PPP2R5C: variants seen among roughly 807,000 people sequenced by gnomAD.
The protein encoded by PPP2R5C is protein phosphatase 2 regulatory subunit B'gamma.
PPP2R5C carries 7 observed loss-of-function variants against 68.9 expected under a neutral mutation model. That is an observed-to-expected ratio of 0.10 (90% CI 0.06 to 0.19). The LOEUF is 0.19. Among genes scored for constraint, PPP2R5C ranks in the 10% least tolerant of loss-of-function variants. PPP2R5C has a pLI of 1.00. For missense variants in PPP2R5C, 348 were observed against 641.3 expected (o/e 0.54, Z 4.94); for synonymous variants, 210 against 222.2 (o/e 0.95, Z 0.49).
rs746584258 is a variant in PPP2R5C, at chr14:101,877,701, C to T, written c.295-4460C>T. On this transcript the variant is annotated intron_variant, in intron 2 of 13. Coordinates refer to ENST00000334743, the Ensembl canonical transcript of PPP2R5C. This position sits in a 1 kb window ranked among gnomAD's most constrained non-coding sequence, Gnocchi z 4.2. The stretch of plus-strand genomic sequence containing the variant: ...CCAAGAAGAATTTGAGGTGATAGAC[C>T]GTTGGCCCTCTGTTCCTTCCCCCCG... 6.6e-6 allele frequency among the ~76,000 whole-genome samples: 1 copy of T among 152,242 alleles called. No homozygotes were observed. The highest frequency in any genetic ancestry group is 1.9e-4 in the East Asian group (1 of 5,186).
In PPP2R5C at chr14:101,860,970, C is replaced by T. The variant is rs907626405; in HGVS notation, c.294+4085C>T. Among the ~76,000 whole-genome samples, 4 of 152,260 alleles carry T rather than the reference C, an allele frequency of 2.6e-5. No individual in the cohort carries two copies. In the East Asian group the frequency reaches 7.7e-4, roughly 29 times the overall value. On this transcript the variant is annotated intron_variant, in intron 2 of 13. Coordinates refer to ENST00000334743, the Ensembl canonical transcript of PPP2R5C. ...GTTCTTGGCGTGCAGTTTCCCAGGC[C>T]TAAGTTATACCAGCTCCATCATTAA...
At chr14:101,815,128 C>T (rs2039578698) in intron 1 of PPP2R5C, among the ~76,000 whole-genome samples, 1 of 152,114 alleles carries the variant, frequency 6.6e-6, no homozygotes, top group Non-Finnish European at 1.5e-5. Context: ...CATTATAACC[C>T]TCCCCCACTC....
chr14:101,765,081 C>T, intron 2 of PPP2R5C: 1 of 668,118 alleles, frequency 1.5e-6, no homozygotes, highest in Admixed American at 2.3e-5. Context: ...AGTTTGCCAG[C>T]CGTGTGAGAC....
chr14:101,817,631 G>GGGTGTTT (rs1432043572), intron 1 of PPP2R5C, among the ~76,000 whole-genome samples: 1 of 152,166 alleles, frequency 6.6e-6, no homozygotes, highest in Non-Finnish European at 1.5e-5. Flanking sequence ...TTAAGAGGCA[G>GGGTGTTT]GGTGTTTGGT....
intron 3 of PPP2R5C, 75 bp from the exon 6 acceptor site, chr14:101,883,182 T>G (rs747574412): frequency 1.1e-5 from 12 of 1,051,124 alleles, no homozygotes; most frequent in Admixed American, 2.7e-5. Flanking sequence ...CAATAAAGAT[T>G]CAATTTCTGG....
exon 8 of PPP2R5C, chr14:101,894,509 G>T: frequency 1.2e-6 from 2 of 1,613,556 alleles, no homozygotes; most frequent in Admixed American, 3.3e-5. Flanking sequence ...CTTTTTAGCT[G>T]GCATACTGTG....
chr14:101,875,712 C>T (rs767652080), intron 2 of PPP2R5C, among the ~76,000 whole-genome samples: 10 of 152,160 alleles, frequency 6.6e-5, no homozygotes, highest in Admixed American at 2.6e-4. Flanking sequence ...ACTGCTACTA[C>T]GATTTTTACT....
intron 1 of PPP2R5C, among the ~76,000 whole-genome samples, chr14:101,827,818 A>C (rs1301162864): frequency 6.6e-6 from 1 of 152,210 alleles, no homozygotes; most frequent in African/African-American, 2.4e-5. Flanking sequence ...GGGTGATGTC[A>C]TGTGAGTTTT....
In PPP2R5C at chr14:101,769,542, G is replaced by A. The variant is rs535049781; in HGVS notation, c.93+6572G>A. Among the ~76,000 whole-genome samples, 3 of 152,224 alleles carry A rather than the reference G, an allele frequency of 2.0e-5. No homozygotes were observed. The South Asian group carries it at 6.2e-4, about 32-fold the overall frequency. ...TAAGAGGCTTATTTATCACTTTTTT[G>A]ATCCAATAAGGGAACTCTAATGTAG... On this transcript the variant is annotated intron_variant, in intron 2 of 14. Transcript: ENST00000328724.
chr14:101,787,570 T>C (rs932707243), intron 3 of PPP2R5C, among the ~76,000 whole-genome samples: 17 of 147,918 alleles, frequency 1.1e-4, no homozygotes, highest in African/African-American at 3.4e-4. Flanking sequence ...AAGACCATCC[T>C]GGCTAACATG....
rs1251495107 is a variant in PPP2R5C at position 101,891,522 on chromosome 14, G to A, written c.689+1226G>A. Among the ~76,000 whole-genome samples, 7 of 152,170 alleles carry A rather than the reference G, an allele frequency of 4.6e-5. No homozygotes were observed. Among genetic ancestry groups the A allele is most frequent in the Admixed American group, 2.0e-4 (3 of 15,280 alleles). On this transcript the variant is annotated intron_variant, in intron 6 of 13. Transcript: ENST00000334743. The surrounding 1 kb of genome is among the most constrained non-coding windows in gnomAD (Gnocchi z 4.9). ...ACTTCTGTAAGATAGGCGCATCCTCGCATTTCCCTCCTAGGTTGTTGCAGG... is the reference window on the plus strand; with the variant it reads ...ACTTCTGTAAGATAGGCGCATCCTCACATTTCCCTCCTAGGTTGTTGCAGG...
intron 9 of PPP2R5C, among the ~76,000 whole-genome samples, chr14:101,903,101 G>A (rs1216116460): frequency 6.6e-6 from 1 of 150,896 alleles, no homozygotes; most frequent in African/African-American, 2.4e-5. Context: ...TTGCACAAAG[G>A]AGCATGGTTT....
intron 1 of PPP2R5C, among the ~76,000 whole-genome samples, chr14:101,838,265 AAG>A (rs1292257588): frequency 6.6e-6 from 1 of 152,206 alleles, no homozygotes; most frequent in African/African-American, 2.4e-5. Context: ...GTGGTGGAAA[AAG>A]GAGAGAAATC....
chr14:101,859,295 A>T lies in PPP2R5C; in HGVS notation c.294+2410A>T, dbSNP rs558460241. On this transcript the variant is annotated intron_variant, in intron 2 of 13. Transcript: ENST00000334743. ...GATGCCGTGAATAAAAGTAATCCAG[A>T]TGAAATAGATAGGGTTGCAAGACTG... Among the ~76,000 whole-genome samples the T allele has an allele frequency of 7.2e-5, 11 of 152,380 alleles. 1 individual carries two copies. The South Asian group carries it at 2.3e-3, about 32-fold the overall frequency.
intron 3 of PPP2R5C, among the ~76,000 whole-genome samples, chr14:101,788,903 T>A (rs971550272): frequency 7.2e-5 from 11 of 152,204 alleles, no homozygotes; most frequent in Non-Finnish European, 1.6e-4. Flanking sequence ...TTATAAAATT[T>A]TATGGTTTTC....
At chr14:101,900,272 C>G (rs2045600402) in intron 8 of PPP2R5C, among the ~76,000 whole-genome samples, 2 of 152,260 alleles carry the variant, frequency 1.3e-5, no homozygotes, top group Non-Finnish European at 2.9e-5. Flanking sequence ...GCCAAAGCAT[C>G]AAAACAAAAT....
chr14:101,831,638 G>A, intron 1 of PPP2R5C: 1 of 636,020 alleles, frequency 1.6e-6, no homozygotes. Flanking sequence ...GTTGACCCTT[G>A]AACGTCACAA....
chr14:101,767,302 GAAATTA>G (rs1428776502), intron 2 of PPP2R5C, among the ~76,000 whole-genome samples: 3 of 152,148 alleles, frequency 2.0e-5, no homozygotes, highest in East Asian at 1.9e-4. Flanking sequence ...AATTTTTTTA[GAAATTA>G]AAATTGAAAT....
intron 1 of PPP2R5C, chr14:101,843,963 G>C (rs373692011): frequency 1.3e-5 from 2 of 157,726 alleles, no homozygotes; most frequent in South Asian, 1.8e-4. Context: ...GCCCTTGGCT[G>C]TACAGATGTT....
Sources: allele counts gnomAD v4.1 joint callset (sites outside exome capture counted in the v4.1 genomes callset), GRCh38; gene constraint gnomAD v4.1.1; non-coding constraint Gnocchi (gnomAD v3.1); transcripts MANE v1.5; gene names NCBI Gene and HGNC (gene_info 2026-07-23, HGNC 2026-07-21).